The following KMT2C variants were observed in gnomAD, a reference collection of about 807,000 sequenced individuals.
KMT2C encodes histone-lysine N-methyltransferase 2C.
In KMT2C, 88 loss-of-function variants were observed where a neutral mutation model predicts 507.9. The ratio of observed to expected loss-of-function variants is 0.17; its 90% CI spans 0.15 to 0.21. KMT2C has a LOEUF of 0.21. Among genes scored for constraint, KMT2C ranks in the 10% least tolerant of loss-of-function variants. KMT2C has a pLI of 1.00. For synonymous variants in KMT2C, 2,049 were observed against 2,080.8 expected, an observed-to-expected ratio of 0.98 and a Z score of 0.42; for missense variants, 4,954 against 5,957.8, an observed-to-expected ratio of 0.83 and a Z score of 5.55.
At chr7:152,222,760 C>T in intron 20 of KMT2C, 78 bp from the exon 21 acceptor site, 2 of 789,430 alleles carry the variant, frequency 2.5e-6, no homozygotes, top group Non-Finnish European at 4.3e-6. Flanking sequence ...ACCTGTAACA[C>T]TGAGTCTTCA....
intron 6 of KMT2C, among the ~76,000 whole-genome samples, chr7:152,294,784 T>G (rs895630495): frequency 6.6e-6 from 1 of 152,230 alleles, no homozygotes; most frequent in Admixed American, 6.5e-5. Context: ...CTTAAATCTA[T>G]TAATCCAAAC....
chr7:152,422,474 C>A (rs982023467), intron 1 of KMT2C, among the ~76,000 whole-genome samples: 1 of 151,558 alleles, frequency 6.6e-6, no homozygotes, highest in Non-Finnish European at 1.5e-5. Context: ...AAAAAGAAAA[C>A]CCTGGGGGCT....
intron 1 of KMT2C, among the ~76,000 whole-genome samples, chr7:152,369,685 CCTCT>C (rs2097277790): frequency 6.6e-6 from 1 of 152,148 alleles, no homozygotes; most frequent in South Asian, 2.1e-4. Flanking sequence ...TCATGTTTGG[CCTCT>C]CTTTGCAAAC....
At chr7:152,352,314 C>T (rs1379294897) in intron 2 of KMT2C, among the ~76,000 whole-genome samples, 1 of 152,186 alleles carries the variant, frequency 6.6e-6, no homozygotes, top group Non-Finnish European at 1.5e-5. Flanking sequence ...TTATCAATTA[C>T]AATGCGTGCC....
chr7:152,196,968 G>A (rs1183597543), intron 27 of KMT2C, among the ~76,000 whole-genome samples: 1 of 152,160 alleles, frequency 6.6e-6, no homozygotes, highest in Non-Finnish European at 1.5e-5. Flanking sequence ...AGAGATTATG[G>A]GGAAGACTGG....
chr7:152,427,211 T>C (rs951961807), intron 1 of KMT2C, among the ~76,000 whole-genome samples: 2 of 152,144 alleles, frequency 1.3e-5, no homozygotes, highest in African/African-American at 2.4e-5. Flanking sequence ...AGACGGGGTT[T>C]CACCATCTTG....
chr7:152,332,917 T>A (rs141182236), intron 2 of KMT2C, among the ~76,000 whole-genome samples: 1 of 149,702 alleles, frequency 6.7e-6, no homozygotes, highest in African/African-American at 2.5e-5. Flanking sequence ...ACACCACCAA[T>A]AGACCAACGG....
intron 1 of KMT2C, among the ~76,000 whole-genome samples, chr7:152,377,592 G>A (rs113057081): frequency 1.4e-4 from 22 of 151,850 alleles, no homozygotes; most frequent in Admixed American, 2.0e-4. Flanking sequence ...AAAATAAGCC[G>A]GGCGTGGTGG....
At chr7:152,245,394 G>A (rs2095454569) in intron 14 of KMT2C, among the ~76,000 whole-genome samples, 1 of 152,190 alleles carries the variant, frequency 6.6e-6, no homozygotes, top group Non-Finnish European at 1.5e-5. Context: ...GATGTTTTAA[G>A]TATAAAGCAT....
intron 23 of KMT2C, among the ~76,000 whole-genome samples, chr7:152,215,702 CACACACAAA>C (rs2094564254): frequency 7.4e-6 from 1 of 134,662 alleles, no homozygotes; most frequent in Non-Finnish European, 1.5e-5. Context: ...CACACACATA[CACACACAAA>C]ATATATATAT....
chr7:152,383,801 T>C (rs1256758742), intron 1 of KMT2C, among the ~76,000 whole-genome samples: 1 of 152,196 alleles, frequency 6.6e-6, no homozygotes, highest in Non-Finnish European at 1.5e-5. Context: ...GTCACACTAA[T>C]GAATTCTGAG....
Position 152,148,521 on chromosome 7 carries a change from C to A in KMT2C, c.13406G>T (p.Gly4469Val), listed in dbSNP as rs2129095383. ...QMKCVFCHKT[G>V]ATSGCHRFRC... ...AAATCTGTGGCATCCACTAGTGGCA[C>A]CCGTCTTGTGACAGAAGACACATTT... The change falls in exon 52 of 59, where the codon GGT becomes GTT. Residue 4469 changes from glycine to valine, a missense_variant. Physicochemically the swap from Gly to Val is moderately radical, Grantham distance 109. This residue lies in a region of KMT2C where 39 missense variants were observed against 101.8 expected (regional missense o/e 0.38). Transcript: ENST00000262189. This position sits in a 1 kb window ranked among gnomAD's most constrained non-coding sequence, Gnocchi z 7.1. 2 of 1,614,234 alleles carry A rather than the reference C, an allele frequency of 1.2e-6. No homozygotes were observed. The highest frequency in any genetic ancestry group is 2.2e-5 in the East Asian group (1 of 44,890).
At chr7:152,185,315 C>A (rs1006548271) in intron 34 of KMT2C, among the ~76,000 whole-genome samples, 1 of 152,134 alleles carries the variant, frequency 6.6e-6, no homozygotes, top group Non-Finnish European at 1.5e-5. Context: ...ATTACTCCTT[C>A]CCCCCTAAAA....
intron 2 of KMT2C, among the ~76,000 whole-genome samples, chr7:152,332,981 A>G (rs2096898258): frequency 6.6e-6 from 1 of 151,960 alleles, no homozygotes; most frequent in Admixed American, 6.6e-5. Flanking sequence ...AACATCCTAA[A>G]AGTTCACTTC....
chr7:152,383,013 C>T (rs374049379), intron 1 of KMT2C, among the ~76,000 whole-genome samples: 3 of 152,008 alleles, frequency 2.0e-5, no homozygotes, highest in Non-Finnish European at 2.9e-5. Context: ...TGACATGTAA[C>T]TCTTTTAATG....
chr7:152,192,460 G>A (rs1004357714), intron 31 of KMT2C, among the ~76,000 whole-genome samples: 8 of 151,582 alleles, frequency 5.3e-5, no homozygotes, highest in Non-Finnish European at 1.5e-5. Flanking sequence ...AAGAATCGCT[G>A]AACTCAGAGG....
chr7:152,146,914 A>AT (rs887331449), intron 52 of KMT2C, among the ~76,000 whole-genome samples, 179 bp from the exon 53 acceptor site: 10 of 152,080 alleles, frequency 6.6e-5, no homozygotes, highest in African/African-American at 2.2e-4. Flanking sequence ...AATGGCAGCA[A>AT]TTTTTTTTAA....
chr7:152,150,902 T>G lies in KMT2C; in HGVS notation c.12772A>C (p.Lys4258Gln). 1 of 1,597,992 alleles carries G rather than the reference T, an allele frequency of 6.3e-7. No individual in the cohort carries two copies. Among genetic ancestry groups the G allele is most frequent in the Non-Finnish European group, 8.6e-7 (1 of 1,165,666 alleles). Residue 4258 changes from lysine to glutamine, a missense_variant and splice_region_variant, in exon 51 of 59, where the codon AAG (lysine) becomes CAG (glutamine). Lys to Gln is a moderately conservative substitution (Grantham distance 53, BLOSUM62 1). This residue lies in a region of KMT2C where 417 missense variants were observed against 461.1 expected (regional missense o/e 0.90). Coordinates refer to ENST00000262189, the MANE Select transcript of KMT2C (RefSeq NM_170606.3). The part of the protein sequence containing the change: ...STAQAKNSEN[K>Q]ESIPSLPQSP... ...AGCTGAGATTATCCTAATCTCACCT[T>G]GTTTTCTGAGTTTTTCGCTTGTGCA...
intron 7 of KMT2C, among the ~76,000 whole-genome samples, chr7:152,269,958 G>C (rs964322866): frequency 3.3e-5 from 5 of 152,180 alleles, no homozygotes; most frequent in African/African-American, 1.2e-4. Context: ...TAAACCTGAT[G>C]AAACTATTAC....
Sources: allele counts gnomAD v4.1 joint callset (sites outside exome capture counted in the v4.1 genomes callset), GRCh38; gene constraint gnomAD v4.1.1; regional missense constraint gnomAD v4.1.1; non-coding constraint Gnocchi (gnomAD v3.1); transcripts MANE v1.5; gene names NCBI Gene and HGNC (gene_info 2026-07-23, HGNC 2026-07-21).